The following SUMF1 variants were observed in gnomAD, a reference collection of about 807,000 sequenced individuals.
The protein encoded by SUMF1 is formylglycine-generating enzyme.
Under a neutral mutation model 47.6 loss-of-function variants are expected in SUMF1, and 48 were observed. The ratio of observed to expected loss-of-function variants is 1.01; its 90% CI spans 0.80 to 1.28. SUMF1 has a LOEUF of 1.28. Among genes scored for constraint, SUMF1 ranks in the 50% most tolerant of loss-of-function variants. SUMF1 has a pLI of 0.00. For missense variants in SUMF1, 571 were observed against 485.4 expected (o/e 1.18, Z -1.66); for synonymous variants, 230 against 192.1 (o/e 1.20, Z -1.63).
intron 8 of SUMF1, among the ~76,000 whole-genome samples, chr3:4,147,240 T>C (rs1174625375): frequency 2.0e-5 from 3 of 152,100 alleles, no homozygotes; most frequent in Admixed American, 1.3e-4. Flanking sequence ...GTTCAACCAT[T>C]GTGGAAGTCA....
intron 8 of SUMF1, among the ~76,000 whole-genome samples, chr3:4,180,198 A>T (rs566229595): frequency 2.6e-5 from 4 of 152,336 alleles, no homozygotes; most frequent in Non-Finnish European, 4.4e-5. Context: ...TACTGGGTAC[A>T]TACCCAAAGG....
At chr3:4,427,589 A>G (rs1702107319) in intron 3 of SUMF1, among the ~76,000 whole-genome samples, 1 of 152,248 alleles carries the variant, frequency 6.6e-6, no homozygotes, top group African/African-American at 2.4e-5. Flanking sequence ...TACCCTGATG[A>G]CTTAATAGAC....
At chr3:4,181,248 AG>A (rs1284835142) in intron 8 of SUMF1, among the ~76,000 whole-genome samples, 2 of 152,118 alleles carry the variant, frequency 1.3e-5, no homozygotes, top group East Asian at 3.9e-4. Context: ...GCTTTTGCTC[AG>A]GGGAGCCTTC....
intron 8 of SUMF1, among the ~76,000 whole-genome samples, chr3:4,256,431 GA>G (rs1450312641): frequency 1.4e-5 from 2 of 141,638 alleles, no homozygotes; most frequent in African/African-American, 5.3e-5. Flanking sequence ...TGATAAAGGG[GA>G]TATCACTACC....
chr3:4,297,968 T>G lies in SUMF1; in HGVS notation c.1014+78362A>C, dbSNP rs1458152624. ...GTTAATAAATGTAAAGCTCAAATAG[T>G]CATACCTCATAATTTAGCCAAGGAT... is the stretch of plus-strand genomic sequence containing the variant. On this transcript the variant is annotated intron_variant and NMD_transcript_variant, in intron 8 of 12. Transcript: ENST00000448413. Among the ~76,000 whole-genome samples the G allele has an allele frequency of 2.0e-4, 31 of 152,182 alleles. 1 individual carries two copies. Among genetic ancestry groups the G allele is most frequent in the Admixed American group, 2.0e-3 (31 of 15,286 alleles).
chr3:4,360,692 G>C (rs562649028), downstream of SUMF1, among the ~76,000 whole-genome samples: 3 of 152,226 alleles, frequency 2.0e-5, no homozygotes, highest in East Asian at 3.9e-4. Flanking sequence ...CACAAAAGTA[G>C]CATTCAAGTG....
chr3:4,112,061 C>T (rs1224204160), intron 8 of SUMF1, among the ~76,000 whole-genome samples: 2 of 152,014 alleles, frequency 1.3e-5, no homozygotes, highest in Non-Finnish European at 2.9e-5. Flanking sequence ...GTGATTATTA[C>T]CCCTCATTTT....
intron 9 of SUMF1, among the ~76,000 whole-genome samples, chr3:4,067,023 T>C (rs1695394530): frequency 6.6e-6 from 1 of 152,122 alleles, no homozygotes; most frequent in South Asian, 2.1e-4. Flanking sequence ...ATAACCTCAT[T>C]ATCCCCTGGT....
At chr3:4,242,782 C>A (rs1194128207) in intron 8 of SUMF1, among the ~76,000 whole-genome samples, 4 of 152,090 alleles carry the variant, frequency 2.6e-5, no homozygotes, top group Non-Finnish European at 5.9e-5. Context: ...ATGATGTTGG[C>A]CTTATAAAAT....
chr3:4,136,031 G>A (rs1239210283), intron 8 of SUMF1, among the ~76,000 whole-genome samples: 2 of 152,124 alleles, frequency 1.3e-5, no homozygotes, highest in African/African-American at 2.4e-5. Context: ...AATCAATATT[G>A]TGAAAATGGC....
intron 8 of SUMF1, among the ~76,000 whole-genome samples, chr3:4,138,646 G>A (rs930207843): frequency 1.1e-4 from 16 of 152,184 alleles, no homozygotes; most frequent in East Asian, 7.7e-4. Context: ...ATGAGGTAAC[G>A]CCATCCAGGA....
chr3:4,306,167 T>A (rs2125076927), intron 8 of SUMF1, among the ~76,000 whole-genome samples: 1 of 152,326 alleles, frequency 6.6e-6, no homozygotes, highest in African/African-American at 2.4e-5. Context: ...TTTGAGACTA[T>A]TCTATAAATC....
At chr3:4,273,250 T>C (rs1315292270) in intron 8 of SUMF1, among the ~76,000 whole-genome samples, 1 of 151,978 alleles carries the variant, frequency 6.6e-6, no homozygotes, top group Non-Finnish European at 1.5e-5. Flanking sequence ...TTTTTCATAA[T>C]GGGCAAAAAA....
At chr3:4,100,725 T>C (rs985833253) in intron 8 of SUMF1, among the ~76,000 whole-genome samples, 2 of 151,854 alleles carry the variant, frequency 1.3e-5, no homozygotes, top group South Asian at 2.1e-4. Context: ...AACTCACAAA[T>C]TGAGAGAAAA....
At chr3:4,074,213 A>C (rs1001844038) in intron 8 of SUMF1, among the ~76,000 whole-genome samples, 4 of 152,294 alleles carry the variant, frequency 2.6e-5, no homozygotes, top group African/African-American at 9.6e-5. Context: ...CTACATGGAA[A>C]CTGATCAACC....
chr3:4,394,195 G>A (rs1465669304), intron 7 of SUMF1, among the ~76,000 whole-genome samples: 2 of 151,660 alleles, frequency 1.3e-5, no homozygotes, highest in Non-Finnish European at 2.9e-5. Context: ...TTTGAGACAG[G>A]GTCTTACTCT....
At chr3:4,333,359 G>T (rs1699086032) in intron 8 of SUMF1, among the ~76,000 whole-genome samples, 1 of 152,168 alleles carries the variant, frequency 6.6e-6, no homozygotes, top group Non-Finnish European at 1.5e-5. Context: ...AAACAGGCAT[G>T]CCACATCCAT....
intron 8 of SUMF1, among the ~76,000 whole-genome samples, chr3:4,258,677 G>A (rs219730): frequency 9.3e-5 from 14 of 150,238 alleles, no homozygotes; most frequent in East Asian, 1.9e-4. Context: ...ACTGTAAACT[G>A]GTTCAACCAT....
In SUMF1 at chr3:4,170,705, A is replaced by G. The variant is rs370380610; in HGVS notation, c.1015-101960T>C. On this transcript the variant is annotated intron_variant and NMD_transcript_variant, in intron 8 of 12. Transcript: ENST00000448413. The stretch of plus-strand genomic sequence containing the variant: ...CATATATAGTGAACTAAACTTTGAC[A>G]AGGTGAAAAGATAATTCAGTGAAAA... Among the ~76,000 whole-genome samples, 30 of 152,304 alleles carry G rather than the reference A, an allele frequency of 2.0e-4. 1 individual carries two copies. In the South Asian group the frequency reaches 2.7e-3, roughly 14 times the overall value.
Sources: allele counts gnomAD v4.1 joint callset (sites outside exome capture counted in the v4.1 genomes callset), GRCh38; gene constraint gnomAD v4.1.1; transcripts MANE v1.5; gene names NCBI Gene and HGNC (gene_info 2026-07-23, HGNC 2026-07-21).